NDFIP2: variants seen among roughly 807,000 people sequenced by gnomAD.
NDFIP2 encodes Nedd4 family interacting protein 2.
Under a neutral mutation model 36.0 loss-of-function variants are expected in NDFIP2, and 19 were observed. The observed-to-expected ratio is 0.53, with a 90% confidence interval of 0.37 to 0.77. The LOEUF (loss-of-function observed/expected upper bound fraction) is 0.77, where lower values mean the gene tolerates loss of function less well. NDFIP2 is among the 30% of genes least tolerant of loss of function. The pLI is 0.00. For missense variants in NDFIP2, 446 were observed against 435.8 expected (o/e 1.02, Z -0.21); for synonymous variants, 181 against 167.7 (o/e 1.08, Z -0.61).
At chr13:79,496,608 T>G (rs1873441291) in intron 1 of NDFIP2, among the ~76,000 whole-genome samples, 1 of 151,926 alleles carries the variant, frequency 6.6e-6, no homozygotes, top group Admixed American at 6.6e-5. Context: ...ATTATGGCCA[T>G]TATTTCTTCA....
Position 79,554,132 on chromosome 13 carries a change from C to T in NDFIP2, c.*1619C>T, listed in dbSNP as rs1409541839. 1 of 151,308 alleles carries T rather than the reference C, an allele frequency of 6.6e-6. No individual in the cohort carries two copies. The allele number at this position is 151,308 out of a possible 1,614,324, so 9.4% of individuals were successfully genotyped here. A position where few individuals can be genotyped will look rare whatever the true frequency, so the allele number is the denominator to read the frequency against. The stretch of plus-strand genomic sequence containing the variant: ...TTGTCTCATTCAGTTTACTTTCCTG[C>T]GTAGAATTTTTATTGTTATATTAAA... On this transcript the variant is annotated 3_prime_UTR_variant, in exon 8 of 8. Transcript: ENST00000218652.
At chr13:79,540,669 T>C (rs935651678) in intron 4 of NDFIP2, among the ~76,000 whole-genome samples, 1 of 152,098 alleles carries the variant, frequency 6.6e-6, no homozygotes, top group African/African-American at 2.4e-5. Context: ...AAGTAGAAAA[T>C]ACAGCCTTCG....
Position 79,550,999 on chromosome 13 carries a change from T to G in NDFIP2, c.908-18T>G, listed in dbSNP as rs1418457328. 3 of 1,456,774 alleles carry G rather than the reference T, an allele frequency of 2.1e-6. No homozygotes were observed. Among genetic ancestry groups the G allele is most frequent in the Non-Finnish European group, 2.8e-6 (3 of 1,059,864 alleles). The allele number at this position is 1,456,774 out of a possible 1,614,324, so 90.2% of individuals were successfully genotyped here. ...TGTATAAAAACATAGTATATCCATATTATTTCAACCTTCTCAGGCCTGCTC... is the reference window on the plus strand; with the variant it reads ...TGTATAAAAACATAGTATATCCATAGTATTTCAACCTTCTCAGGCCTGCTC... On this transcript the variant is annotated intron_variant, in intron 6 of 7. Coordinates refer to ENST00000218652, the MANE Select transcript of NDFIP2 (RefSeq NM_019080.3).
intron 1 of NDFIP2, among the ~76,000 whole-genome samples, chr13:79,517,525 C>A (rs1464601545): frequency 4.6e-5 from 7 of 152,126 alleles, no homozygotes; most frequent in Non-Finnish European, 8.8e-5. Flanking sequence ...TTATTGCCGG[C>A]AAAGATATCA....
chr13:79,550,940 T>C, intron 6 of NDFIP2, 77 bp from the exon 7 acceptor site: 1 of 793,958 alleles, frequency 1.3e-6, no homozygotes, highest in Non-Finnish European at 2.0e-6. Flanking sequence ...ATCTTGTTTA[T>C]AATTGTCTAC....
At chr13:79,547,847 T>C (rs9545133) in intron 5 of NDFIP2, among the ~76,000 whole-genome samples, 2,869 of 152,222 alleles carry the variant, frequency 0.019, 45 homozygotes, top group Middle Eastern at 0.041. Context: ...TGATTAACAG[T>C]AGGGGGTGTA....
At chr13:79,481,969 G>T (rs1381399344) in intron 1 of NDFIP2, among the ~76,000 whole-genome samples, 1 of 152,116 alleles carries the variant, frequency 6.6e-6, no homozygotes, top group African/African-American at 2.4e-5. Context: ...GTGGGTGGAG[G>T]TGTAAGTACT....
At chr13:79,506,417 T>A (rs990643626) in intron 1 of NDFIP2, among the ~76,000 whole-genome samples, 1 of 152,150 alleles carries the variant, frequency 6.6e-6, no homozygotes, top group African/African-American at 2.4e-5. Context: ...AATGGCTATA[T>A]AATATTTTAT....
chr13:79,503,597 A>G (rs1873750336), intron 1 of NDFIP2, among the ~76,000 whole-genome samples: 1 of 152,224 alleles, frequency 6.6e-6, no homozygotes, highest in African/African-American at 2.4e-5. Flanking sequence ...AAGCAGTTCT[A>G]GATGATGACC....
At chr13:79,487,134 A>G (rs1468616259) in intron 1 of NDFIP2, among the ~76,000 whole-genome samples, 4 of 152,174 alleles carry the variant, frequency 2.6e-5, no homozygotes, top group Admixed American at 6.5e-5. Flanking sequence ...TTACAGATAA[A>G]TTTAATGACC....
At chr13:79,522,534 A>G (rs1874627086) in intron 2 of NDFIP2, among the ~76,000 whole-genome samples, 1 of 152,182 alleles carries the variant, frequency 6.6e-6, no homozygotes, top group Non-Finnish European at 1.5e-5. Context: ...GTTAATTCTT[A>G]CTGTTCTGGG....
chr13:79,502,866 GTATT>G (rs1163302549), intron 1 of NDFIP2, among the ~76,000 whole-genome samples: 2 of 149,970 alleles, frequency 1.3e-5, no homozygotes, highest in South Asian at 2.1e-4. Context: ...AGAAGAAAAA[GTATT>G]TATTTTTAGC....
chr13:79,538,861 C>T (rs1186433783), intron 3 of NDFIP2, among the ~76,000 whole-genome samples: 5 of 152,176 alleles, frequency 3.3e-5, no homozygotes, highest in Admixed American at 1.3e-4. Context: ...AGATTATAGG[C>T]GTGAGCCACA....
intron 2 of NDFIP2, among the ~76,000 whole-genome samples, chr13:79,528,430 A>G (rs1023869993): frequency 3.3e-5 from 5 of 152,296 alleles, no homozygotes; most frequent in African/African-American, 9.6e-5. Flanking sequence ...GAAAGCTGAG[A>G]TTTATTATTG....
Position 79,555,674 on chromosome 13 carries a change from T to C in NDFIP2, c.*3161T>C, listed in dbSNP as rs1876084539. 1 of 152,146 alleles carries C rather than the reference T, an allele frequency of 6.6e-6. No homozygotes were observed. The highest frequency in any genetic ancestry group is 1.5e-5 in the Non-Finnish European group (1 of 67,994). 9.4% of individuals were successfully genotyped at this position (152,146 alleles called of 1,614,324 possible). On this transcript the variant is annotated 3_prime_UTR_variant, in exon 8 of 8. Coordinates refer to ENST00000218652, the MANE Select transcript of NDFIP2 (RefSeq NM_019080.3). ...ACTGCTGTTAAATGTTATTTTAGCATTTATTAGTTGTTTATTATTTAATTC... is the reference window on the plus strand; with the variant it reads ...ACTGCTGTTAAATGTTATTTTAGCACTTATTAGTTGTTTATTATTTAATTC...
chr13:79,489,589 T>C (rs1381879799), intron 1 of NDFIP2, among the ~76,000 whole-genome samples: 3 of 152,166 alleles, frequency 2.0e-5, no homozygotes, highest in Non-Finnish European at 4.4e-5. Context: ...CCTTAGTAGA[T>C]AGGGATCAGC....
intron 2 of NDFIP2, among the ~76,000 whole-genome samples, chr13:79,521,960 G>A (rs1172949908): frequency 6.6e-6 from 1 of 151,700 alleles, no homozygotes; most frequent in Non-Finnish European, 1.5e-5. Context: ...AAGTAGCTGG[G>A]ACTACAGGCG....
intron 1 of NDFIP2, among the ~76,000 whole-genome samples, chr13:79,500,593 A>G (rs573323854): frequency 1.0e-3 from 158 of 152,146 alleles, no homozygotes; most frequent in African/African-American, 3.6e-3. Flanking sequence ...TCATTTTGAA[A>G]TGATGGTTAA....
intron 5 of NDFIP2, among the ~76,000 whole-genome samples, chr13:79,545,732 G>T (rs1222474488): frequency 6.6e-6 from 1 of 152,072 alleles, no homozygotes; most frequent in African/African-American, 2.4e-5. Context: ...TTTGCTCAAG[G>T]TCCCACAGTT....
Sources: allele counts gnomAD v4.1 joint callset (sites outside exome capture counted in the v4.1 genomes callset), GRCh38; gene constraint gnomAD v4.1.1; transcripts MANE v1.5; gene names NCBI Gene and HGNC (gene_info 2026-07-23, HGNC 2026-07-21).